The following GOLPH3 variants were observed in gnomAD, a reference collection of about 807,000 sequenced individuals.
GOLPH3 encodes golgi phosphoprotein 3, also known as coat protein GPP34.
GOLPH3 carries 14 observed loss-of-function variants against 28.5 expected under a neutral mutation model. The ratio of observed to expected loss-of-function variants is 0.49; its 90% CI spans 0.32 to 0.77. GOLPH3 has a LOEUF of 0.77. GOLPH3 is among the 30% of genes least tolerant of loss of function. GOLPH3 has a pLI of 0.03. For synonymous variants in GOLPH3, 158 were observed against 159.2 expected (o/e 0.99, Z 0.06); for missense variants, 350 against 393.7 (o/e 0.89, Z 0.94).
chr5:32,173,937 G>GCGC lies in GOLPH3; in HGVS notation c.95_97dup (p.Gly32dup). The GCGC allele has an allele frequency of 6.7e-7, 1 of 1,482,012 alleles. No individual in the cohort carries two copies. Among genetic ancestry groups the GCGC allele is most frequent in the Non-Finnish European group, 8.9e-7 (1 of 1,122,192 alleles). 91.8% of individuals were successfully genotyped at this position (1,482,012 alleles called of 1,614,324 possible). On this transcript the variant is annotated inframe_insertion, in exon 1 of 4. Coordinates refer to ENST00000265070, the MANE Select transcript of GOLPH3 (RefSeq NM_022130.4). ...CTGCGCGTCGTCCTCGCTGCTGCCG[G>GCGC]CGCCGCCGCCCGCCGCCCGCTCCTT...
chr5:32,128,787 T>A (rs1269055788), intron 3 of GOLPH3, among the ~76,000 whole-genome samples: 8 of 150,976 alleles, frequency 5.3e-5, no homozygotes, highest in Non-Finnish European at 1.2e-4. Context: ...ACATTCACAC[T>A]GTCCAGCATC....
chr5:32,161,265 T>G (rs1746569419), intron 1 of GOLPH3, among the ~76,000 whole-genome samples: 1 of 149,988 alleles, frequency 6.7e-6, no homozygotes, highest in Non-Finnish European at 1.5e-5. Context: ...TAGCCAGGTA[T>G]AGTGGCGCAC....
intron 1 of GOLPH3, among the ~76,000 whole-genome samples, chr5:32,156,606 G>A (rs7712084): frequency 0.53 from 81,198 of 151,936 alleles, 23,131 homozygotes; most frequent in Non-Finnish European, 0.63. Flanking sequence ...TTTTTTCCAC[G>A]GACTGGAGCG....
chr5:32,142,273 A>C (rs1317893757), intron 2 of GOLPH3, among the ~76,000 whole-genome samples: 1 of 147,908 alleles, frequency 6.8e-6, no homozygotes, highest in East Asian at 2.1e-4. Flanking sequence ...CCGGGATGTG[A>C]GGAGCATCTC....
At chr5:32,140,498 A>C in intron 2 of GOLPH3, among the ~76,000 whole-genome samples, 1 of 151,408 alleles carries the variant, frequency 6.6e-6, no homozygotes, top group African/African-American at 2.4e-5. Context: ...AAACATATAA[A>C]AAAAAAAAAA....
intron 1 of GOLPH3, among the ~76,000 whole-genome samples, chr5:32,169,001 C>T (rs1161360482): frequency 8.6e-5 from 13 of 151,652 alleles, no homozygotes; most frequent in Non-Finnish European, 2.9e-5. Flanking sequence ...AAAACAGGTG[C>T]GGTGGCTCAT....
At chr5:32,134,640 G>C (rs1745894750) in intron 3 of GOLPH3, 1 of 152,216 alleles carries the variant, frequency 6.6e-6, no homozygotes, top group African/African-American at 2.4e-5. Flanking sequence ...CAAGGTTATA[G>C]TGAGTTAGGA....
rs142708537 is a variant in GOLPH3 at position 32,147,395 on chromosome 5, C to A, written c.226-3515G>T. The stretch of plus-strand genomic sequence containing the variant: ...GCTGCAGTGAGCCGAGATTGCACCA[C>A]TGCACTCTAGCCTGGTGACAGAGCA... On this transcript the variant is annotated intron_variant, in intron 1 of 3. Transcript: ENST00000265070. Among the ~76,000 whole-genome samples, 490 of 151,912 alleles carry A rather than the reference C, an allele frequency of 3.2e-3. 3 individuals carry two copies. The highest frequency in any genetic ancestry group is 0.011 in the African/African-American group (453 of 41,398).
At chr5:32,134,100 G>T (rs1745882938) in intron 3 of GOLPH3, among the ~76,000 whole-genome samples, 1 of 152,176 alleles carries the variant, frequency 6.6e-6, no homozygotes, top group Non-Finnish European at 1.5e-5. Context: ...ACTGAGCATG[G>T]TGATTCATGC....
chr5:32,167,091 A>G (rs1746732392), intron 1 of GOLPH3, among the ~76,000 whole-genome samples: 1 of 152,226 alleles, frequency 6.6e-6, no homozygotes, highest in African/African-American at 2.4e-5. Context: ...TGATATTATA[A>G]AAGTGTATTT....
At chr5:32,157,389 T>C (rs1184560351) in intron 1 of GOLPH3, among the ~76,000 whole-genome samples, 2 of 152,236 alleles carry the variant, frequency 1.3e-5, no homozygotes, top group Non-Finnish European at 2.9e-5. Context: ...TACTAAGTAC[T>C]GTGGGAGCTC....
At chr5:32,173,640 A>G (rs989721713) in intron 1 of GOLPH3, 170 bp downstream of exon 1, 15 of 417,234 alleles carry the variant, frequency 3.6e-5, no homozygotes, top group African/African-American at 3.1e-4. Context: ...CAGGGGGTCA[A>G]CCAACTCCGA....
chr5:32,163,607 C>A (rs148446437), intron 1 of GOLPH3, among the ~76,000 whole-genome samples: 2 of 152,080 alleles, frequency 1.3e-5, no homozygotes, highest in Non-Finnish European at 2.9e-5. Context: ...GAGCCAAGAT[C>A]ATGCCACTGC....
intron 2 of GOLPH3, among the ~76,000 whole-genome samples, chr5:32,138,226 TGA>T (rs1193746767): frequency 3.3e-5 from 5 of 152,174 alleles, no homozygotes; most frequent in African/African-American, 1.2e-4. Flanking sequence ...TTTAAAATGC[TGA>T]GAGTCCTCTC....
chr5:32,159,468 C>G (rs1746527407), intron 1 of GOLPH3, among the ~76,000 whole-genome samples: 1 of 152,190 alleles, frequency 6.6e-6, no homozygotes, highest in Non-Finnish European at 1.5e-5. Flanking sequence ...GATTTTCAGA[C>G]TGGGGTGCTT....
intron 1 of GOLPH3, among the ~76,000 whole-genome samples, chr5:32,162,754 T>G (rs1372941526): frequency 6.6e-6 from 1 of 152,168 alleles, no homozygotes; most frequent in Non-Finnish European, 1.5e-5. Flanking sequence ...ATTGGATCCC[T>G]ACAACTTAGA....
intron 3 of GOLPH3, among the ~76,000 whole-genome samples, chr5:32,133,988 G>GA (rs1250387697): frequency 6.6e-6 from 1 of 152,122 alleles, no homozygotes; most frequent in Admixed American, 6.5e-5. Context: ...TTACCAATAA[G>GA]AAAAAATAAT....
At chr5:32,169,049 G>A (rs934247436) in intron 1 of GOLPH3, among the ~76,000 whole-genome samples, 2 of 152,076 alleles carry the variant, frequency 1.3e-5, no homozygotes, top group Non-Finnish European at 1.5e-5. Flanking sequence ...TGAAGCGGGA[G>A]GATCACTTGA....
intron 3 of GOLPH3, among the ~76,000 whole-genome samples, chr5:32,129,138 C>T (rs1434301563): frequency 6.6e-6 from 1 of 152,114 alleles, no homozygotes; most frequent in Non-Finnish European, 1.5e-5. Flanking sequence ...GCCGAGATTG[C>T]ACCACTGCAC....
Sources: allele counts gnomAD v4.1 joint callset (sites outside exome capture counted in the v4.1 genomes callset), GRCh38; gene constraint gnomAD v4.1.1; transcripts MANE v1.5; gene names NCBI Gene and HGNC (gene_info 2026-07-23, HGNC 2026-07-21).